Variants in TCP1 observed in about 807,000 individuals in gnomAD.
The protein encoded by TCP1 is t-complex 1, also known as T-complex protein 1 subunit alpha.
A neutral mutation model predicts 54.7 loss-of-function variants in TCP1; 6 were observed. The observed-to-expected ratio is 0.11, with a 90% CI of 0.06 to 0.22. The LOEUF is 0.22. TCP1 is among the 10% of genes least tolerant of loss of function. The pLI, the probability that TCP1 is intolerant of heterozygous loss-of-function variation, is 1.00. For synonymous variants in TCP1, 225 were observed against 229.7 expected, an observed-to-expected ratio of 0.98 and a Z score of 0.19; for missense variants, 511 against 678.2, an observed-to-expected ratio of 0.75 and a Z score of 2.74.
At chr6:159,779,505 G>GT (rs1281466898) in intron 11 of TCP1, 122 bp downstream of exon 11, 89 of 1,360,808 alleles carry the variant, frequency 6.5e-5, no homozygotes, top group Non-Finnish European at 3.7e-5. Context: ...TTGCTGTGAA[G>GT]TTTTTCATGT....
chr6:159,781,075 A>G lies in TCP1; in HGVS notation c.833T>C (p.Ile278Thr), dbSNP rs1362727742. 1 of 1,610,380 alleles carries G rather than the reference A, an allele frequency of 6.2e-7. No homozygotes were observed. The highest frequency in any genetic ancestry group is 8.5e-7 in the Non-Finnish European group (1 of 1,178,942). Residue 278 changes from isoleucine (I) to threonine (T), a missense_variant, in exon 8 of 12, where the codon ATC becomes ACC. Ile to Thr is a moderately conservative substitution (Grantham distance 89, BLOSUM62 -1). Transcript: ENST00000321394. Reference sequence around the variant, plus strand: ...AATAACATTGGCACCAGTTGCCAGGATCTTCTGAATTCTCTCCTTGGTGAT... The same window carrying G: ...AATAACATTGGCACCAGTTGCCAGGGTCTTCTGAATTCTCTCCTTGGTGAT... ...SDITKERIQK[I>T]LATGANVILT... is the part of the protein sequence containing the mutation.
chr6:159,788,680 A>T (rs1385754976), intron 1 of TCP1: 3 of 153,878 alleles, frequency 1.9e-5, no homozygotes, highest in African/African-American at 7.2e-5. Context: ...TTTTTTGCTC[A>T]TTAAAACTCT....
chr6:159,786,963 C>T (rs1415767921), intron 3 of TCP1, among the ~76,000 whole-genome samples: 2 of 150,984 alleles, frequency 1.3e-5, no homozygotes, highest in East Asian at 3.9e-4. Flanking sequence ...AAAAATAGAA[C>T]AGGCTGAGTG....
intron 5 of TCP1, chr6:159,785,086 A>T: frequency 1.7e-6 from 1 of 602,684 alleles, no homozygotes; most frequent in Non-Finnish European, 2.9e-6. Context: ...TAATTTCAAT[A>T]CAGCATTACT....
chr6:159,780,315 T>C, intron 9 of TCP1, 128 bp downstream of exon 9: 2 of 1,436,382 alleles, frequency 1.4e-6, no homozygotes, highest in Non-Finnish European at 2.0e-6. Context: ...TGGCCCAATG[T>C]TATTTTATCC....
At chr6:159,779,561 G>A in intron 11 of TCP1, 66 bp downstream of exon 11, 5 of 1,517,880 alleles carry the variant, frequency 3.3e-6, no homozygotes, top group Non-Finnish European at 3.5e-6. Flanking sequence ...ACATGTAATT[G>A]ACTACTATCC....
intron 7 of TCP1, among the ~76,000 whole-genome samples, chr6:159,781,710 C>G (rs1179417651): frequency 1.3e-5 from 2 of 152,110 alleles, no homozygotes; most frequent in African/African-American, 2.4e-5. Flanking sequence ...AGGCGGAGGT[C>G]GCAGTGAGCC....
intron 4 of TCP1, 193 bp downstream of exon 4, chr6:159,785,707 G>A (rs762263480): frequency 6.3e-6 from 5 of 787,506 alleles, no homozygotes; most frequent in South Asian, 1.4e-5. Context: ...CTATTATTAG[G>A]AGAAAATGTG....
At chr6:159,783,194 T>C (rs1450084925) in intron 7 of TCP1, among the ~76,000 whole-genome samples, 1 of 152,060 alleles carries the variant, frequency 6.6e-6, no homozygotes, top group African/African-American at 2.4e-5. Context: ...GAAAAGGCTC[T>C]AGAGCAGAAG....
chr6:159,779,375 TGTAG>T, intron 11 of TCP1, 114 bp from the exon 12 acceptor site: 1 of 1,071,688 alleles, frequency 9.3e-7, no homozygotes, highest in Non-Finnish European at 1.4e-6. Context: ...CTAGAGATCT[TGTAG>T]GTAGTCTTTC....
intron 6 of TCP1, 82 bp from the exon 7 acceptor site, chr6:159,784,149 C>G: frequency 6.7e-7 from 1 of 1,482,648 alleles, no homozygotes; most frequent in Non-Finnish European, 9.0e-7. Context: ...TGTATGTAAA[C>G]ACACAAATTT....
chr6:159,778,994 A>G lies in TCP1; in HGVS notation c.*51T>C. 2 of 1,581,826 alleles carry G rather than the reference A, an allele frequency of 1.3e-6. No homozygotes were observed. Among genetic ancestry groups the G allele is most frequent in the Non-Finnish European group, 1.7e-6 (2 of 1,157,834 alleles). On this transcript the variant is annotated 3_prime_UTR_variant, in exon 12 of 12. Coordinates refer to ENST00000321394, the MANE Select transcript of TCP1 (RefSeq NM_030752.3). ...ACTTTAATGTGTAATACTCAACTCA[A>G]GGTACAAGACAATTGCATTTAACAT...
chr6:159,781,148 AT>A (rs770159980), intron 7 of TCP1, 38 bp from the exon 8 acceptor site: 6 of 1,477,524 alleles, frequency 4.1e-6, no homozygotes, highest in African/African-American at 1.4e-5. Context: ...ACCTTCTGTG[AT>A]TTTTAAAAAT....
At position 159,788,131 on chromosome 6, in the gene TCP1, G is replaced by A; in HGVS notation, c.77C>T (p.Ala26Val). The stretch of plus-strand genomic sequence containing the variant: ...ACTTTTTACAATATTGGCAATCGAA[G>A]CTGCAGCCATAACTGTAGACAATCA... ...TIRSQNVMAAASIANIVKSSL... is the reference protein window; with the variant it reads ...TIRSQNVMAAVSIANIVKSSL... The change falls in exon 2 of 12, where the codon GCT (alanine) becomes GTT (valine). Residue 26 changes from alanine to valine, a missense_variant. Ala to Val is a moderately conservative substitution (Grantham distance 64). Around this residue, in one of 5 missense-constraint regions of TCP1, gnomAD observed 54 missense variants for 111.8 expected, o/e 0.48. Coordinates refer to ENST00000321394, the MANE Select transcript of TCP1 (RefSeq NM_030752.3). 1 of 1,613,982 alleles carries A rather than the reference G, an allele frequency of 6.2e-7. No individual in the cohort carries two copies. Among genetic ancestry groups the A allele is most frequent in the Non-Finnish European group, 8.5e-7 (1 of 1,179,988 alleles).
chr6:159,780,186 T>C, intron 9 of TCP1, 99 bp from the exon 10 acceptor site: 2 of 1,438,286 alleles, frequency 1.4e-6, no homozygotes, highest in Non-Finnish European at 1.9e-6. Flanking sequence ...TTTAATAAAA[T>C]AAGTCTACAT....
chr6:159,787,876 G>C lies in TCP1; in HGVS notation c.151-5C>G, dbSNP rs1404145841. The C allele has an allele frequency of 3.7e-6, 6 of 1,613,276 alleles. No homozygotes were observed. The highest frequency in any genetic ancestry group is 5.1e-6 in the Non-Finnish European group (6 of 1,179,428). On this transcript the variant is annotated splice_region_variant and splice_polypyrimidine_tract_variant and intron_variant, in intron 2 of 11. Coordinates refer to ENST00000321394, the MANE Select transcript of TCP1 (RefSeq NM_030752.3). ...ATCGTTAGTAATGGTTACATCCTAA[G>C]AAATTCGCAGGAAAAAATATGAACC...
rs770127722 is a variant in TCP1 at position 159,783,379 on chromosome 6, AT to A, written c.797+561del. 1.1e-3 allele frequency among the ~76,000 whole-genome samples: 130 copies of A among 118,808 alleles called. 1 individual carries two copies. The highest frequency in any genetic ancestry group is 2.3e-3 in the East Asian group (10 of 4,266). The allele number at this position is 118,808 out of a possible 152,430, so 77.9% of individuals were successfully genotyped here. A position where few individuals can be genotyped will look rare whatever the true frequency, so the allele number is the denominator to read the frequency against. On this transcript the variant is annotated intron_variant, in intron 7 of 11. Coordinates refer to ENST00000321394, the MANE Select transcript of TCP1 (RefSeq NM_030752.3). ...TGTAGGTCTAACTACTGTTTAAACTATTTTTTTTTTTTTTTTTTTTGAGACA... is the reference window on the plus strand; with the variant it reads ...TGTAGGTCTAACTACTGTTTAAACTATTTTTTTTTTTTTTTTTTTGAGACA...
chr6:159,785,300 TG>T (rs762453260), intron 5 of TCP1, 85 bp downstream of exon 5: 64 of 1,018,610 alleles, frequency 6.3e-5, no homozygotes, highest in Non-Finnish European at 9.1e-5. Context: ...CCTTAGTAGC[TG>T]GGACTACAGG....
At chr6:159,788,292 C>T (rs1380074196) in intron 1 of TCP1, 149 bp from the exon 2 acceptor site, 1 of 698,012 alleles carries the variant, frequency 1.4e-6, no homozygotes, top group East Asian at 2.9e-5. Context: ...AAACCACCTA[C>T]TAAGAGTGTA....
Sources: gnomAD v4.1 joint callset for allele counts (sites outside exome capture counted in the v4.1 genomes callset) on GRCh38, gnomAD v4.1.1 for gene constraint, gnomAD v4.1.1 regional missense constraint, MANE v1.5 for transcripts, NCBI Gene and HGNC (gene_info 2026-07-23, HGNC 2026-07-21) for gene names.